DGKI: variants seen among roughly 807,000 people sequenced by gnomAD.
The protein encoded by DGKI is DAG kinase iota.
A neutral mutation model predicts 147.5 loss-of-function variants in DGKI; 55 were observed. That is an observed-to-expected ratio of 0.37 (90% confidence interval 0.30 to 0.47). DGKI has a LOEUF of 0.47. Ranked by LOEUF, DGKI falls within the 20% of genes least tolerant of loss-of-function variation. The pLI, the probability that DGKI is intolerant of heterozygous loss-of-function variation, is 1.00. For missense variants in DGKI, 1,007 were observed against 1,323.8 expected (o/e 0.76, Z 3.71); for synonymous variants, 469 against 477.1 (o/e 0.98, Z 0.22).
intron 6 of DGKI, among the ~76,000 whole-genome samples, chr7:137,626,867 G>T (rs911710143): frequency 2.0e-5 from 3 of 152,266 alleles, no homozygotes; most frequent in Non-Finnish European, 4.4e-5. Flanking sequence ...CCGGTGAAAT[G>T]ATGCTTTCTA....
chr7:137,806,607 G>C (rs761515023), intron 1 of DGKI, among the ~76,000 whole-genome samples: 6 of 152,062 alleles, frequency 3.9e-5, no homozygotes, highest in Non-Finnish European at 8.8e-5. Flanking sequence ...CTAATTTTTT[G>C]TATTTTTAAT....
rs1476682429 is a variant in DGKI, at chr7:137,388,888, A to T, written c.*2332T>A. ...TCATCATTTTTCATAACACAGATTT[A>T]TGTCTTCAATTGGAGCTATTTAGAA... On this transcript the variant is annotated 3_prime_UTR_variant, in exon 33 of 33. Coordinates refer to ENST00000614521, the MANE Select transcript of DGKI (RefSeq NM_001321708.2). 3 of 151,658 alleles carry T rather than the reference A, an allele frequency of 2.0e-5. No homozygotes were observed. Among genetic ancestry groups the T allele is most frequent in the African/African-American group, 7.3e-5 (3 of 41,224 alleles). 9.4% of individuals were successfully genotyped at this position (151,658 alleles called of 1,614,324 possible).
chr7:137,465,709 A>T (rs1814627184), intron 26 of DGKI, among the ~76,000 whole-genome samples, 199 bp downstream of exon 26: 1 of 152,146 alleles, frequency 6.6e-6, no homozygotes, highest in South Asian at 2.1e-4. Flanking sequence ...AGAGGCTTGG[A>T]CATGGTGTAA....
chr7:137,830,024 G>A (rs1798172598), intron 1 of DGKI, among the ~76,000 whole-genome samples: 1 of 152,140 alleles, frequency 6.6e-6, no homozygotes, highest in Admixed American at 6.5e-5. Flanking sequence ...ACAGAGGAAG[G>A]GATGGATGTG....
intron 20 of DGKI, among the ~76,000 whole-genome samples, chr7:137,543,867 T>C (rs1210523427): frequency 6.6e-6 from 1 of 152,202 alleles, no homozygotes; most frequent in Non-Finnish European, 1.5e-5. Context: ...AAAATGCACA[T>C]GTTGTGCTTA....
chr7:137,544,810 A>AAG (rs2128962858), intron 20 of DGKI, among the ~76,000 whole-genome samples: 1 of 152,338 alleles, frequency 6.6e-6, no homozygotes, highest in African/African-American at 2.4e-5. Flanking sequence ...AAATAGCCTA[A>AAG]GTCTACTGTG....
In DGKI at chr7:137,408,014, A is replaced by C. The variant is rs749112727; in HGVS notation, c.2800-19T>G. ...CTATTAGCTGCAAAGAGAGACATAC[A>C]AAAAGAAGCTCAGGCAGAATTCGGA... On this transcript the variant is annotated intron_variant, in intron 29 of 32. Transcript: ENST00000614521. 2 of 1,612,968 alleles carry C rather than the reference A, an allele frequency of 1.2e-6. No homozygotes were observed. Among genetic ancestry groups the C allele is most frequent in the Non-Finnish European group, 1.7e-6 (2 of 1,179,526 alleles).
intron 30 of DGKI, 143 bp from the exon 31 acceptor site, chr7:137,397,556 G>A: frequency 1.4e-6 from 1 of 711,448 alleles, no homozygotes; most frequent in Admixed American, 2.7e-5. Flanking sequence ...AAAATAAAAG[G>A]ATTCCTCTAC....
chr7:137,738,450 C>G (rs1290091944), intron 1 of DGKI, among the ~76,000 whole-genome samples: 1 of 151,980 alleles, frequency 6.6e-6, no homozygotes, highest in African/African-American at 2.4e-5. Flanking sequence ...ATTTTCACTA[C>G]CAAAGAATTA....
rs571704648 is a variant in DGKI, at chr7:137,499,278, C to T, written c.2249-11589G>A. On this transcript the variant is annotated intron_variant, in intron 21 of 32. Coordinates refer to ENST00000614521, the MANE Select transcript of DGKI (RefSeq NM_001321708.2). ...TATTTCTTAGTCTAAGTGGCAGGTA[C>T]ACCGGTGCCTATTTTACTACTAATA... Among the ~76,000 whole-genome samples, 5 of 152,250 alleles carry T rather than the reference C, an allele frequency of 3.3e-5. No individual in the cohort carries two copies. The South Asian group carries it at 8.3e-4, about 25-fold the overall frequency.
rs1178474150 is a variant in DGKI, at chr7:137,846,159, TCTCACACACACACACACACA to T, written c.401+283_401+302del. Among the ~76,000 whole-genome samples, 21 of 130,054 alleles carry T rather than the reference TCTCACACACACACACACACA, an allele frequency of 1.6e-4. No individual in the cohort carries two copies. Among genetic ancestry groups the T allele is most frequent in the African/African-American group, 5.9e-4 (19 of 32,278 alleles). The allele number at this position is 130,054 out of a possible 152,430, so 85.3% of individuals were successfully genotyped here. A position where few individuals can be genotyped will look rare whatever the true frequency, so the allele number is the denominator to read the frequency against. On this transcript the variant is annotated intron_variant, in intron 1 of 32. Coordinates refer to ENST00000614521, the MANE Select transcript of DGKI (RefSeq NM_001321708.2). The surrounding 1 kb of genome is among the most constrained non-coding windows in gnomAD (Gnocchi z 4.0). ...TTCTCTCTCTCTCTCTCTCTCTCTC[TCTCACACACACACACACACA>T]CACACACACACACACACACACACAG... is the stretch of plus-strand genomic sequence containing the variant.
At position 137,579,209 on chromosome 7, in the gene DGKI, T is replaced by C. The variant is rs143709613; in HGVS notation, c.1643-884A>G. ...TACCCTTTAGGTATTTTATGGCAAGTGATCCATGAAGCCGCAGACAGTGCC... is the reference window on the plus strand; with the variant it reads ...TACCCTTTAGGTATTTTATGGCAAGCGATCCATGAAGCCGCAGACAGTGCC... On this transcript the variant is annotated intron_variant, in intron 15 of 32. Coordinates refer to ENST00000614521, the MANE Select transcript of DGKI (RefSeq NM_001321708.2). 5.3e-5 allele frequency among the ~76,000 whole-genome samples: 8 copies of C among 152,170 alleles called. No homozygotes were observed. The East Asian group carries it at 1.5e-3, about 29-fold the overall frequency.
chr7:137,791,850 T>C (rs1796864375), intron 1 of DGKI, among the ~76,000 whole-genome samples: 1 of 152,228 alleles, frequency 6.6e-6, no homozygotes, highest in African/African-American at 2.4e-5. Flanking sequence ...TCAATTATGC[T>C]GTCAAATTAT....
At chr7:137,819,751 C>A (rs1045453854) in intron 1 of DGKI, among the ~76,000 whole-genome samples, 1 of 152,208 alleles carries the variant, frequency 6.6e-6, no homozygotes, top group African/African-American at 2.4e-5. Flanking sequence ...AAGCACTCTA[C>A]ATCATCTGAC....
At chr7:137,651,744 A>C (rs530970049) in intron 5 of DGKI, among the ~76,000 whole-genome samples, 19 of 152,222 alleles carry the variant, frequency 1.2e-4, no homozygotes, top group Non-Finnish European at 1.8e-4. Context: ...GCAATGAAAA[A>C]GAATAGGAAG....
intron 32 of DGKI, among the ~76,000 whole-genome samples, chr7:137,392,652 C>T (rs1034145864): frequency 6.6e-6 from 1 of 152,202 alleles, no homozygotes; most frequent in African/African-American, 2.4e-5. Context: ...CCGTTAACCA[C>T]TAGTTTGAAG....
At chr7:137,516,561 G>C (rs551183647) in intron 21 of DGKI, among the ~76,000 whole-genome samples, 2 of 151,380 alleles carry the variant, frequency 1.3e-5, no homozygotes, top group East Asian at 3.9e-4. Context: ...TTTAAAAAAA[G>C]AAAAAAAGCT....
intron 31 of DGKI, 139 bp from the exon 32 acceptor site, chr7:137,395,836 G>A (rs544044611): frequency 1.6e-6 from 1 of 627,586 alleles, no homozygotes; most frequent in East Asian, 2.8e-5. Context: ...GTACATTCTG[G>A]GGAGGTAGGG....
At chr7:137,833,954 T>C (rs546581547) in intron 1 of DGKI, among the ~76,000 whole-genome samples, 184 of 152,112 alleles carry the variant, frequency 1.2e-3, no homozygotes, top group Middle Eastern at 3.4e-3. Context: ...AGACAGGGGG[T>C]TCTGGAATTC....
Sources: gnomAD v4.1 joint callset for allele counts (sites outside exome capture counted in the v4.1 genomes callset) on GRCh38, gnomAD v4.1.1 for gene constraint, Gnocchi (gnomAD v3.1) non-coding constraint, MANE v1.5 for transcripts, NCBI Gene and HGNC (gene_info 2026-07-23, HGNC 2026-07-21) for gene names.